The following FRY variants were observed in gnomAD, a reference collection of about 807,000 sequenced individuals.
FRY encodes protein furry homolog.
In FRY, 128 loss-of-function variants were observed where a neutral mutation model predicts 348.4. The observed-to-expected ratio is 0.37, with a 90% confidence interval of 0.32 to 0.43. The LOEUF is 0.43. FRY is among the 20% of genes least tolerant of loss of function. FRY has a pLI of 1.00. For missense variants in FRY, 2,736 were observed against 3,695.2 expected (o/e 0.74, Z 6.73); for synonymous variants, 1,370 against 1,374.7 (o/e 1.00, Z 0.08).
intron 1 of FRY, chr13:32,061,062 T>C: frequency 1.9e-6 from 1 of 529,960 alleles, no homozygotes. Context: ...ATGGTCTGTG[T>C]AGCTGTTCCA....
chr13:32,070,593 C>T lies in FRY; in HGVS notation c.71-8241C>T, dbSNP rs549337711. On this transcript the variant is annotated intron_variant, in intron 1 of 60. Transcript: ENST00000542859. Reference sequence around the variant, plus strand: ...TTTTTCTTGTAAGTTTGTTTAAGTTCTTTGTAGATTCTGGATATTAGCCCT... The same window carrying T: ...TTTTTCTTGTAAGTTTGTTTAAGTTTTTTGTAGATTCTGGATATTAGCCCT... Among the ~76,000 whole-genome samples, 4 of 143,482 alleles carry T rather than the reference C, an allele frequency of 2.8e-5. No homozygotes were observed. In the South Asian group the frequency reaches 6.5e-4, roughly 23 times the overall value. The allele number at this position is 143,482 out of a possible 152,430, so 94.1% of individuals were successfully genotyped here. A position where few individuals can be genotyped will look rare whatever the true frequency, so the allele number is the denominator to read the frequency against.
rs141034499 is a variant in FRY at position 32,204,866 on chromosome 13, A to G, written c.4018+2339A>G. On this transcript the variant is annotated intron_variant, in intron 31 of 60. Coordinates refer to ENST00000542859, the MANE Select transcript of FRY (RefSeq NM_023037.3). ...GGGTTTCAGAAATACAGAGGGAAAT[A>G]AAAGTCTCTCCCATCAAACGTTCAT... is the stretch of plus-strand genomic sequence containing the variant. Among the ~76,000 whole-genome samples the G allele has an allele frequency of 6.0e-3, 919 of 152,322 alleles. 3 individuals carry two copies. The highest frequency in any genetic ancestry group is 0.011 in the Non-Finnish European group (727 of 68,028).
chr13:32,036,750 A>G (rs79927830), intron 1 of FRY, among the ~76,000 whole-genome samples: 3 of 132,102 alleles, frequency 2.3e-5, no homozygotes, highest in East Asian at 4.0e-4. Flanking sequence ...ATTTTCGATG[A>G]AAAAAAAAAA....
At chr13:32,220,815 T>A (rs1284461335) in intron 36 of FRY, among the ~76,000 whole-genome samples, 1 of 152,246 alleles carries the variant, frequency 6.6e-6, no homozygotes, top group Non-Finnish European at 1.5e-5. Context: ...TCAAGTTTTA[T>A]TGAAGAGTAG....
intron 36 of FRY, among the ~76,000 whole-genome samples, chr13:32,222,295 G>A (rs1885358690): frequency 6.6e-6 from 1 of 152,178 alleles, no homozygotes; most frequent in Non-Finnish European, 1.5e-5. Flanking sequence ...TAAGCCAGGA[G>A]AGGAACATGG....
At chr13:32,241,395 G>T (rs1233514377) in intron 46 of FRY, among the ~76,000 whole-genome samples, 1 of 152,190 alleles carries the variant, frequency 6.6e-6, no homozygotes, top group Non-Finnish European at 1.5e-5. Context: ...AAATAGGCCA[G>T]AGGACAAAAG....
In FRY at chr13:32,078,859, C is replaced by A. The variant is rs192400144; in HGVS notation, c.96C>A (p.Ile32=). The change falls in exon 2 of 61, where the codon ATC becomes ATA. Residue 32 remains isoleucine (I), a synonymous_variant. Coordinates refer to ENST00000542859, the MANE Select transcript of FRY (RefSeq NM_023037.3). ...CTTCTCCCGTTGGCAACGGTTACAT[C>A]AAGCCTCCGGTTCCACCTGCTTCTG... ...SNTSPVGNGY[I]KPPVPPASGT... The A allele has an allele frequency of 1.9e-6, 3 of 1,614,096 alleles. No individual in the cohort carries two copies. Among genetic ancestry groups the A allele is most frequent in the East Asian group, 4.5e-5 (2 of 44,886 alleles).
At chr13:32,172,613 A>G (rs1360271406) in intron 18 of FRY, among the ~76,000 whole-genome samples, 1 of 152,118 alleles carries the variant, frequency 6.6e-6, no homozygotes, top group South Asian at 2.1e-4. Context: ...CAGATGGAGA[A>G]AGGGGTCTGG....
chr13:32,109,754 T>C (rs1461619128), intron 3 of FRY, among the ~76,000 whole-genome samples: 1 of 152,182 alleles, frequency 6.6e-6, no homozygotes, highest in East Asian at 1.9e-4. Context: ...AAATCCGTTA[T>C]GCATACTGAG....
rs1035633899 is a variant in FRY, at chr13:32,155,634, A to G, written c.1623A>G (p.Thr541=). 7 of 1,613,514 alleles carry G rather than the reference A, an allele frequency of 4.3e-6. No homozygotes were observed. The highest frequency in any genetic ancestry group is 5.1e-6 in the Non-Finnish European group (6 of 1,179,690). ...TAAAGAAAACATATTTGAGTAAAAC[A>G]CTAACTGAAGAGGAAGCCAAAATGA... is the stretch of plus-strand genomic sequence containing the variant. The part of the protein sequence containing the change: ...LRVKKTYLSK[T]LTEEEAKMIG... The change falls in exon 15 of 61, where the codon ACA becomes ACG. Residue 541 remains threonine, a synonymous_variant. Transcript: ENST00000542859.
chr13:32,239,872 C>T lies in FRY; in HGVS notation c.6678C>T (p.Tyr2226=), dbSNP rs1385057121. 3 of 1,613,768 alleles carry T rather than the reference C, an allele frequency of 1.9e-6. No homozygotes were observed. Among genetic ancestry groups the T allele is most frequent in the South Asian group, 2.2e-5 (2 of 91,050 alleles). Residue 2226 remains tyrosine (Y), a synonymous_variant, in exon 46 of 61, where the codon TAC becomes TAT. Coordinates refer to ENST00000542859, the MANE Select transcript of FRY (RefSeq NM_023037.3). This position sits in a 1 kb window ranked among gnomAD's most constrained non-coding sequence, Gnocchi z 4.3. ...YADITLNMVT[Y]LAELLEKGLP... ...ACATTACCTTGAATATGGTTACCTA[C>T]CTGGCAGAGGTAAGCTTTTTTTTTT...
intron 11 of FRY, among the ~76,000 whole-genome samples, chr13:32,144,516 T>C (rs1311427947): frequency 2.0e-5 from 3 of 152,144 alleles, no homozygotes; most frequent in Non-Finnish European, 4.4e-5. Flanking sequence ...TTTAGACTTT[T>C]AGAATAATGA....
At chr13:32,064,571 A>G (rs1159762865) in intron 1 of FRY, among the ~76,000 whole-genome samples, 2 of 152,170 alleles carry the variant, frequency 1.3e-5, no homozygotes, top group Non-Finnish European at 2.9e-5. Context: ...CAATACCCCA[A>G]GTACACTGGG....
In FRY at chr13:32,178,878, G is replaced by A. The variant is rs376524681; in HGVS notation, c.2716G>A (p.Gly906Ser). 54 of 1,613,616 alleles carry A rather than the reference G, an allele frequency of 3.3e-5. No individual in the cohort carries two copies. The highest frequency in any genetic ancestry group is 1.6e-4 in the Middle Eastern group (1 of 6,062). The change falls in exon 22 of 61, where the codon GGC becomes AGC. Residue 906 changes from glycine (G) to serine (S), a missense_variant. Gly to Ser is a moderately conservative substitution (Grantham distance 56). Coordinates refer to ENST00000542859, the MANE Select transcript of FRY (RefSeq NM_023037.3). ...TAATGCCAAGAAAACCAGCACTGCC[G>A]GCAGCGGAGACAACTATGTTACTTT... is the stretch of plus-strand genomic sequence containing the variant. Reference protein sequence around the residue: ...PINAKKTSTAGSGDNYVTLWR... With the variant: ...PINAKKTSTASSGDNYVTLWR...
At chr13:32,207,168 G>A (rs798989) in intron 31 of FRY, among the ~76,000 whole-genome samples, 61,513 of 151,638 alleles carry the variant, frequency 0.41, 12,614 homozygotes, top group Admixed American at 0.43. Context: ...TCTTTGCTCC[G>A]AAAAGTCCAT....
At chr13:32,210,351 C>T (rs1221094287) in intron 33 of FRY, among the ~76,000 whole-genome samples, 1 of 152,216 alleles carries the variant, frequency 6.6e-6, no homozygotes, top group African/African-American at 2.4e-5. Context: ...ACATAAGCCT[C>T]ACTGCAGCTT....
At chr13:32,207,386 G>A (rs2138345974) in intron 31 of FRY, among the ~76,000 whole-genome samples, 1 of 152,164 alleles carries the variant, frequency 6.6e-6, no homozygotes, top group East Asian at 1.9e-4. Context: ...GTGCCTTTCT[G>A]ATTTCATTTG....
chr13:32,170,947 C>T lies in FRY; in HGVS notation c.1893-65C>T. The T allele has an allele frequency of 2.6e-6, 3 of 1,163,980 alleles. No individual in the cohort carries two copies. In the Admixed American group the frequency reaches 5.1e-5, roughly 20 times the overall value. The allele number at this position is 1,163,980 out of a possible 1,614,324, so 72.1% of individuals were successfully genotyped here. A position where few individuals can be genotyped will look rare whatever the true frequency, so the allele number is the denominator to read the frequency against. On this transcript the variant is annotated intron_variant, in intron 17 of 60. Coordinates refer to ENST00000542859, the MANE Select transcript of FRY (RefSeq NM_023037.3). ...AGATATACATTAATATCTATTAATC[C>T]TTGTTAGCTCTAGAAGACCAGTTAA...
intron 58 of FRY, among the ~76,000 whole-genome samples, chr13:32,279,785 C>T (rs1302013603): frequency 6.6e-6 from 1 of 152,174 alleles, no homozygotes; most frequent in African/African-American, 2.4e-5. Flanking sequence ...TTGGAGTGAA[C>T]ATTTTCAACC....
Sources: allele counts gnomAD v4.1 joint callset (sites outside exome capture counted in the v4.1 genomes callset), GRCh38; gene constraint gnomAD v4.1.1; non-coding constraint Gnocchi (gnomAD v3.1); transcripts MANE v1.5; gene names NCBI Gene and HGNC (gene_info 2026-07-23, HGNC 2026-07-21).